The following CELF4 variants were observed in gnomAD, a reference collection of about 807,000 sequenced individuals.
The protein encoded by CELF4 is CUGBP Elav-like family member 4.
Under a neutral mutation model 59.9 loss-of-function variants are expected in CELF4, and 18 were observed. That is an observed-to-expected ratio of 0.30 (90% CI 0.21 to 0.45). The LOEUF (loss-of-function observed/expected upper bound fraction) is 0.45, where lower values mean the gene tolerates loss of function less well. Among genes scored for constraint, CELF4 ranks in the 20% least tolerant of loss-of-function variants. The probability of loss-of-function intolerance (pLI) is 1.00; values close to 1 mark genes in which losing one functional copy is unlikely to be tolerated. For synonymous variants in CELF4, 261 were observed against 267.1 expected (o/e 0.98, Z 0.22); for missense variants, 456 against 689.0 (o/e 0.66, Z 3.79).
intron 2 of CELF4, among the ~76,000 whole-genome samples, chr18:37,349,725 G>A (rs2098398717): frequency 6.6e-6 from 1 of 152,188 alleles, no homozygotes; most frequent in Admixed American, 6.5e-5. Flanking sequence ...GAGTGACCAA[G>A]GATGTGCTCT....
At chr18:37,304,150 C>T (rs1169186092) in intron 3 of CELF4, among the ~76,000 whole-genome samples, 1 of 152,248 alleles carries the variant, frequency 6.6e-6, no homozygotes, top group Non-Finnish European at 1.5e-5. Context: ...ATATCCCCAA[C>T]TTACAAACCC....
At chr18:37,335,293 G>A (rs1315462545) in intron 2 of CELF4, among the ~76,000 whole-genome samples, 1 of 152,150 alleles carries the variant, frequency 6.6e-6, no homozygotes, top group Non-Finnish European at 1.5e-5. Flanking sequence ...AGGGTGTCAG[G>A]CTCAGGTGTG....
intron 1 of CELF4, among the ~76,000 whole-genome samples, chr18:37,555,930 T>C (rs928398631): frequency 6.6e-6 from 1 of 152,156 alleles, no homozygotes; most frequent in African/African-American, 2.4e-5. Flanking sequence ...GCGAGCGTGT[T>C]CACGTGTATG....
chr18:37,413,543 A>G (rs1162742527), intron 2 of CELF4, among the ~76,000 whole-genome samples: 1 of 152,168 alleles, frequency 6.6e-6, no homozygotes, highest in Non-Finnish European at 1.5e-5. Flanking sequence ...CTCCTGTGAC[A>G]TGTATTTTGG....
chr18:37,264,122 G>A (rs1238206690), intron 10 of CELF4, among the ~76,000 whole-genome samples: 1 of 152,202 alleles, frequency 6.6e-6, no homozygotes, highest in Non-Finnish European at 1.5e-5. Flanking sequence ...TATTCTCCCT[G>A]GGAACACAGT....
At chr18:37,464,980 A>G (rs1375302072) in intron 2 of CELF4, among the ~76,000 whole-genome samples, 1 of 152,174 alleles carries the variant, frequency 6.6e-6, no homozygotes, top group Admixed American at 6.5e-5. Context: ...GGATGCTGCC[A>G]TGTGCTGGAT....
chr18:37,433,817 AC>A (rs1330305577), intron 2 of CELF4, among the ~76,000 whole-genome samples: 1 of 152,178 alleles, frequency 6.6e-6, no homozygotes, highest in Admixed American at 6.5e-5. Context: ...AGGGAGGTAG[AC>A]TGGGTGGCAG....
intron 2 of CELF4, among the ~76,000 whole-genome samples, chr18:37,322,559 C>T (rs1203714814): frequency 2.6e-5 from 4 of 152,190 alleles, no homozygotes; most frequent in South Asian, 2.1e-4. Context: ...CTCCCCTAGC[C>T]GCCGGCCTCT....
At chr18:37,490,912 C>T (rs180848715) in intron 1 of CELF4, among the ~76,000 whole-genome samples, 21 of 152,298 alleles carry the variant, frequency 1.4e-4, no homozygotes, top group Non-Finnish European at 2.9e-4. Flanking sequence ...TGGAGTCTAC[C>T]ACCCGTTAGG....
At chr18:37,344,329 C>T (rs972549657) in intron 2 of CELF4, among the ~76,000 whole-genome samples, 3 of 152,238 alleles carry the variant, frequency 2.0e-5, no homozygotes, top group Non-Finnish European at 4.4e-5. Context: ...ACAGAACAAC[C>T]CGTGAAACAG....
intron 2 of CELF4, among the ~76,000 whole-genome samples, chr18:37,454,465 C>T (rs1228190272): frequency 6.6e-6 from 1 of 152,136 alleles, no homozygotes; most frequent in Non-Finnish European, 1.5e-5. Flanking sequence ...TACAGGTAGC[C>T]CCCACATGGT....
rs113970700 is a variant in CELF4, at chr18:37,316,183, G to A, written c.448+5620C>T. 2.9e-3 allele frequency among the ~76,000 whole-genome samples: 439 copies of A among 152,256 alleles called. 3 individuals carry two copies. The highest frequency in any genetic ancestry group is 9.9e-3 in the African/African-American group (411 of 41,542). The stretch of plus-strand genomic sequence containing the variant: ...GCCAGGAGGCATAGGACACTGCAGC[G>A]CATGCCCTAGGGAGGTATCATCACC... On this transcript the variant is annotated intron_variant, in intron 3 of 12. Coordinates refer to ENST00000420428, the MANE Select transcript of CELF4 (RefSeq NM_020180.4).
intron 3 of CELF4, chr18:37,305,864 C>T (rs983315695): frequency 2.0e-5 from 3 of 152,264 alleles, no homozygotes; most frequent in Admixed American, 6.5e-5. Context: ...CAACTTAGTG[C>T]TTTGATTCTA....
intron 9 of CELF4, among the ~76,000 whole-genome samples, chr18:37,265,445 C>G (rs2077081687): frequency 6.6e-6 from 1 of 152,216 alleles, no homozygotes; most frequent in Non-Finnish European, 1.5e-5. Flanking sequence ...GGAAGGATTT[C>G]CCACTTCTCT....
chr18:37,356,050 C>T (rs1466364388), intron 2 of CELF4, among the ~76,000 whole-genome samples: 3 of 152,190 alleles, frequency 2.0e-5, no homozygotes, highest in Non-Finnish European at 4.4e-5. Flanking sequence ...CCCAGGGTCT[C>T]TCTGGAAATG....
chr18:37,410,476 C>T (rs756142521), intron 2 of CELF4, among the ~76,000 whole-genome samples: 4 of 152,248 alleles, frequency 2.6e-5, no homozygotes, highest in East Asian at 1.9e-4. Flanking sequence ...ACCAGAACCT[C>T]GGGCTGGCAA....
At position 37,243,373 on chromosome 18, in the gene CELF4, T is replaced by G. The variant is rs562459921; in HGVS notation, c.*1869A>C. On this transcript the variant is annotated 3_prime_UTR_variant, in exon 13 of 13. Transcript: ENST00000420428. ...GGTCTGAGAACCCCCGGCCTCCAGA[T>G]GACCTGGACATCAATGAGAAGGAAT... The G allele has an allele frequency of 6.6e-6, 1 of 152,290 alleles. No individual in the cohort carries two copies. Among genetic ancestry groups the G allele is most frequent in the East Asian group, 1.9e-4 (1 of 5,184 alleles). The allele number at this position is 152,290 out of a possible 1,614,324, so 9.4% of individuals were successfully genotyped here.
intron 2 of CELF4, among the ~76,000 whole-genome samples, chr18:37,369,410 G>A (rs910468599): frequency 6.6e-6 from 1 of 152,172 alleles, no homozygotes; most frequent in African/African-American, 2.4e-5. Context: ...CCTATGAGTG[G>A]CTCTGGGGAC....
At chr18:37,469,079 G>A (rs986600931) in intron 2 of CELF4, among the ~76,000 whole-genome samples, 2 of 152,126 alleles carry the variant, frequency 1.3e-5, no homozygotes, top group Admixed American at 1.3e-4. Flanking sequence ...AGGGAAAGTG[G>A]GATCATCACT....
Sources: allele counts gnomAD v4.1 joint callset (sites outside exome capture counted in the v4.1 genomes callset), GRCh38; gene constraint gnomAD v4.1.1; transcripts MANE v1.5; gene names NCBI Gene and HGNC (gene_info 2026-07-23, HGNC 2026-07-21).